ABI1: variants seen among roughly 807,000 people sequenced by gnomAD.
The protein encoded by ABI1 is abl interactor 1, also known as Abelson interactor 1.
Under a neutral mutation model 54.6 loss-of-function variants are expected in ABI1, and 14 were observed. That is an observed-to-expected ratio of 0.26 (90% CI 0.17 to 0.40). ABI1 has a LOEUF of 0.40. ABI1 is among the 10% of genes least tolerant of loss of function. The pLI, the probability that ABI1 is intolerant of heterozygous loss-of-function variation, is 1.00. For missense variants in ABI1, 443 were observed against 598.3 expected (o/e 0.74, Z 2.71); for synonymous variants, 194 against 209.3 (o/e 0.93, Z 0.63).
chr10:26,821,845 T>C (rs1044210681), intron 2 of ABI1, among the ~76,000 whole-genome samples: 1 of 150,710 alleles, frequency 6.6e-6, no homozygotes, highest in African/African-American at 2.4e-5. Flanking sequence ...AAATGTTTTA[T>C]GCAAATAAAT....
chr10:26,823,078 T>G, intron 2 of ABI1, 60 bp downstream of exon 2: 1 of 1,423,070 alleles, frequency 7.0e-7, no homozygotes, highest in Non-Finnish European at 9.5e-7. Flanking sequence ...GCTATTTACT[T>G]CTTTGGCATA....
chr10:26,790,781 A>G (rs1843329304), intron 2 of ABI1: 1 of 152,218 alleles, frequency 6.6e-6, no homozygotes, highest in African/African-American at 2.4e-5. Context: ...ATACAGAGCT[A>G]ATACTGGCTG....
intron 2 of ABI1, among the ~76,000 whole-genome samples, chr10:26,785,029 G>A (rs1842568837): frequency 6.6e-6 from 1 of 152,254 alleles, no homozygotes; most frequent in East Asian, 1.9e-4. Flanking sequence ...TGGACCCTGG[G>A]GAGCATAATT....
At chr10:26,803,354 T>C (rs1414631371) in intron 2 of ABI1, among the ~76,000 whole-genome samples, 1 of 151,988 alleles carries the variant, frequency 6.6e-6, no homozygotes, top group African/African-American at 2.4e-5. Flanking sequence ...CTGACAGAAA[T>C]GGGTGTGGGT....
chr10:26,770,684 T>C (rs911105442), intron 4 of ABI1: 1 of 544,020 alleles, frequency 1.8e-6, no homozygotes, highest in Non-Finnish European at 3.3e-6. Flanking sequence ...GAACACAAAC[T>C]ATAGATCTTA....
intron 2 of ABI1, among the ~76,000 whole-genome samples, chr10:26,811,844 G>T (rs2047258825): frequency 6.6e-6 from 1 of 152,016 alleles, no homozygotes; most frequent in Non-Finnish European, 1.5e-5. Context: ...TTTATGCAAA[G>T]ATTTGTATAA....
At chr10:26,851,533 AG>A (rs1367838746) in intron 1 of ABI1, among the ~76,000 whole-genome samples, 4 of 152,008 alleles carry the variant, frequency 2.6e-5, no homozygotes, top group South Asian at 2.1e-4. Context: ...AAGGAGAGAT[AG>A]GTCAGTTACT....
chr10:26,837,047 T>G (rs1347922103), intron 1 of ABI1, among the ~76,000 whole-genome samples: 2 of 152,228 alleles, frequency 1.3e-5, no homozygotes, highest in Non-Finnish European at 1.5e-5. Flanking sequence ...GTTATGTTAC[T>G]CATTAAAATG....
At chr10:26,769,209 A>G (rs1840351054) in intron 5 of ABI1, among the ~76,000 whole-genome samples, 3 of 152,142 alleles carry the variant, frequency 2.0e-5, no homozygotes, top group Admixed American at 2.0e-4. Flanking sequence ...TAGGAAAAAC[A>G]TAGGAAAGGG....
chr10:26,852,427 A>G (rs2134248619), intron 1 of ABI1, among the ~76,000 whole-genome samples: 1 of 152,312 alleles, frequency 6.6e-6, no homozygotes, highest in East Asian at 1.9e-4. Flanking sequence ...TGAGGTGAGC[A>G]GAGATTGTGC....
chr10:26,808,844 G>C (rs1443995290), intron 2 of ABI1, among the ~76,000 whole-genome samples: 1 of 152,066 alleles, frequency 6.6e-6, no homozygotes, highest in Non-Finnish European at 1.5e-5. Flanking sequence ...GGGACAGGGA[G>C]GGGAGGCAGA....
chr10:26,810,030 G>A (rs1249895849), intron 2 of ABI1, among the ~76,000 whole-genome samples: 2 of 152,182 alleles, frequency 1.3e-5, no homozygotes, highest in Non-Finnish European at 2.9e-5. Flanking sequence ...AACCCTGAGA[G>A]GGGTTGTGGG....
At chr10:26,761,888 G>A (rs1322828261) in intron 7 of ABI1, among the ~76,000 whole-genome samples, 1 of 151,402 alleles carries the variant, frequency 6.6e-6, no homozygotes, top group Admixed American at 6.6e-5. Flanking sequence ...ACTACTATTA[G>A]ACATTTTGGT....
chr10:26,860,930 C>G lies in ABI1; in HGVS notation c.-67G>C. 9.7e-6 allele frequency: 14 copies of G among 1,443,020 alleles called. No individual in the cohort carries two copies. In the South Asian group the frequency reaches 1.6e-4, roughly 16 times the overall value. 89.4% of individuals were successfully genotyped at this position (1,443,020 alleles called of 1,614,324 possible). ...AGAGGCAGCAAGGTCCGCCGAGGCT[C>G]CGAGCACCTCACAGCCCGGATACAA... On this transcript the variant is annotated 5_prime_UTR_variant, in exon 1 of 11. Transcript: ENST00000376140. The surrounding 1 kb of genome is among the most constrained non-coding windows in gnomAD (Gnocchi z 4.1).
At chr10:26,854,919 C>G (rs951329038) in intron 1 of ABI1, among the ~76,000 whole-genome samples, 3 of 152,094 alleles carry the variant, frequency 2.0e-5, no homozygotes, top group Admixed American at 2.0e-4. Context: ...AAAAAAGGAT[C>G]CAGGGAGCTC....
chr10:26,812,294 T>C (rs1009456524), intron 2 of ABI1, among the ~76,000 whole-genome samples: 2 of 152,188 alleles, frequency 1.3e-5, no homozygotes, highest in Non-Finnish European at 2.9e-5. Context: ...ATCTTAGAAA[T>C]ACTAGATGTG....
chr10:26,828,208 TTGG>T (rs2048434459), intron 1 of ABI1, among the ~76,000 whole-genome samples: 1 of 152,228 alleles, frequency 6.6e-6, no homozygotes. Flanking sequence ...GAATGGTCAG[TTGG>T]TGGTACAGTC....
In ABI1 at chr10:26,837,371, A is replaced by G. The variant is rs368875312; in HGVS notation, c.118-14066T>C. ...ATAAGTACCCTAGCTCTATGGGATC[A>G]GGGCTCCAGCCTTATGACCTCATTT... On this transcript the variant is annotated intron_variant, in intron 1 of 10. Transcript: ENST00000376140. 1.2e-3 allele frequency among the ~76,000 whole-genome samples: 178 copies of G among 152,232 alleles called. 1 individual carries two copies. In the South Asian group the frequency reaches 0.015, roughly 13 times the overall value.
rs1283617921 is a variant in ABI1 at position 26,860,824 on chromosome 10, A to G, written c.40T>C (p.Ser14Pro). ...CTCTCGATCAGCGCCCTCTTGCCAG[A>G]CGGGATCTCCTCCTCTAGTAACATC... ...LQMLLEEEIP[S>P]GKRALIESYQ... The change falls in exon 1 of 11, where the codon TCT (serine) becomes CCT (proline). Residue 14 changes from serine (S) to proline (P), a missense_variant. This residue lies in a region of ABI1 where 394 missense variants were observed against 484.8 expected (regional missense o/e 0.81). Coordinates refer to ENST00000376140, the MANE Select transcript of ABI1 (RefSeq NM_001012750.3). This position sits in a 1 kb window ranked among gnomAD's most constrained non-coding sequence, Gnocchi z 4.1. 2 of 1,614,074 alleles carry G rather than the reference A, an allele frequency of 1.2e-6. No individual in the cohort carries two copies. The highest frequency in any genetic ancestry group is 1.1e-5 in the South Asian group (1 of 91,082).
Sources: gnomAD v4.1 joint callset for allele counts (sites outside exome capture counted in the v4.1 genomes callset) on GRCh38, gnomAD v4.1.1 for gene constraint, gnomAD v4.1.1 regional missense constraint, Gnocchi (gnomAD v3.1) non-coding constraint, MANE v1.5 for transcripts, NCBI Gene and HGNC (gene_info 2026-07-23, HGNC 2026-07-21) for gene names.